Variants in MAP3K9 observed in about 807,000 individuals in gnomAD.
The protein encoded by MAP3K9 is mitogen-activated protein kinase kinase kinase 9, also known as mixed lineage kinase 1 (tyr and ser/thr specificity).
Under a neutral mutation model 95.8 loss-of-function variants are expected in MAP3K9, and 46 were observed. The observed-to-expected ratio is 0.48, with a 90% CI of 0.38 to 0.61. The LOEUF (loss-of-function observed/expected upper bound fraction) is 0.61, where lower values mean the gene tolerates loss of function less well. Ranked by LOEUF, MAP3K9 falls within the 20% of genes least tolerant of loss-of-function variation. The probability of loss-of-function intolerance (pLI) is 0.00; values close to 1 mark genes in which losing one functional copy is unlikely to be tolerated. For synonymous variants in MAP3K9, 533 were observed against 593.8 expected, an observed-to-expected ratio of 0.90 and a Z score of 1.49; for missense variants, 1,296 against 1,474.3, an observed-to-expected ratio of 0.88 and a Z score of 1.98.
chr14:70,748,272 C>G (rs965446427), intron 5 of MAP3K9, among the ~76,000 whole-genome samples: 7 of 152,120 alleles, frequency 4.6e-5, no homozygotes, highest in African/African-American at 1.7e-4. Flanking sequence ...ACTGAGGGAA[C>G]AGAAAGGGGC....
At chr14:70,760,879 G>A in intron 3 of MAP3K9, 123 bp downstream of exon 3, 2 of 943,708 alleles carry the variant, frequency 2.1e-6, no homozygotes, top group Non-Finnish European at 3.2e-6. Flanking sequence ...ACTCTTGGGG[G>A]AGGTCACTTA....
At chr14:70,792,197 T>C (rs1434757906) in intron 2 of MAP3K9, among the ~76,000 whole-genome samples, 1 of 152,262 alleles carries the variant, frequency 6.6e-6, no homozygotes, top group East Asian at 1.9e-4. Context: ...AGGTGGCTGC[T>C]AGCTAACCTC....
At chr14:70,808,555 G>C (rs1177219202) in intron 1 of MAP3K9, among the ~76,000 whole-genome samples, 1 of 152,108 alleles carries the variant, frequency 6.6e-6, no homozygotes, top group East Asian at 1.9e-4. Flanking sequence ...AGAAGCCCAA[G>C]CGTCTGAAGT....
At position 70,749,964 on chromosome 14, in the gene MAP3K9, C is replaced by A. The variant is rs138594750; in HGVS notation, c.1119G>T (p.Thr373=). 5 of 1,614,128 alleles carry A rather than the reference C, an allele frequency of 3.1e-6. No homozygotes were observed. In the South Asian group the frequency reaches 4.4e-5, roughly 14 times the overall value. ...TGAGTTTGGCAAAAGGTTCTGGGCA[C>A]GTAGAAGGAATAGGAAGGGCGAGTT... ...MNKLALPIPS[T]CPEPFAKLME... is the part of the protein sequence containing the mutation. Residue 373 remains threonine, a synonymous_variant, in exon 4 of 12, where the codon ACG becomes ACT. Coordinates refer to ENST00000554752, the MANE Select transcript of MAP3K9 (RefSeq NM_001284230.2).
At chr14:70,795,708 T>C (rs1183891752) in intron 2 of MAP3K9, among the ~76,000 whole-genome samples, 1 of 152,202 alleles carries the variant, frequency 6.6e-6, no homozygotes, top group Non-Finnish European at 1.5e-5. Context: ...TTTCCAAAGC[T>C]TTTTCATATT....
intron 2 of MAP3K9, chr14:70,783,465 C>CT: frequency 1.1e-6 from 1 of 918,122 alleles, no homozygotes; most frequent in South Asian, 5.0e-5. Context: ...AGGATTCACT[C>CT]TTTGTCCCCT....
At chr14:70,751,747 G>A (rs1296794318) in intron 3 of MAP3K9, among the ~76,000 whole-genome samples, 3 of 151,976 alleles carry the variant, frequency 2.0e-5, no homozygotes, top group African/African-American at 7.3e-5. Flanking sequence ...AATAAACCCA[G>A]TAGCTATTTA....
intron 3 of MAP3K9, among the ~76,000 whole-genome samples, chr14:70,753,662 T>TA (rs2054260438): frequency 6.6e-6 from 1 of 152,100 alleles, no homozygotes; most frequent in Non-Finnish European, 1.5e-5. Flanking sequence ...TGCCTCTGAG[T>TA]ACCTCCCCGC....
At chr14:70,747,801 A>T (rs1348003474) in intron 5 of MAP3K9, among the ~76,000 whole-genome samples, 1 of 152,222 alleles carries the variant, frequency 6.6e-6, no homozygotes. Flanking sequence ...TCACATGGCT[A>T]TTAACTTCCC....
At chr14:70,747,821 T>C (rs2139747939) in intron 5 of MAP3K9, among the ~76,000 whole-genome samples, 1 of 152,220 alleles carries the variant, frequency 6.6e-6, no homozygotes, top group Non-Finnish European at 1.5e-5. Flanking sequence ...CAAATTCCCA[T>C]AGTGCAGAGT....
Position 70,735,093 on chromosome 14 carries a change from TAGTGCAC to T in MAP3K9, c.1914-602_1914-596del, listed in dbSNP as rs1191524008. Among the ~76,000 whole-genome samples the T allele has an allele frequency of 2.0e-5, 3 of 152,180 alleles. No homozygotes were observed. In the East Asian group the frequency reaches 5.8e-4, roughly 29 times the overall value. The stretch of plus-strand genomic sequence containing the variant: ...GCACTGTGGGACAGACCTACGTGGG[TAGTGCAC>T]AGTGCTGAAGCAGAGCCCTTGGTCT... On this transcript the variant is annotated intron_variant, in intron 9 of 11. Transcript: ENST00000554752.
In MAP3K9 at chr14:70,725,942, C is replaced by T. The variant is rs971646693; in HGVS notation, c.*4438G>A. On this transcript the variant is annotated 3_prime_UTR_variant, in exon 12 of 12. Transcript: ENST00000554752. ...ACCATACATTTGAAAGTTAGAAGGG[C>T]TTCAGGAGGGAAAGTAGATAGCATC... 6.6e-6 allele frequency: 1 copy of T among 152,192 alleles called. No homozygotes were observed. The highest frequency in any genetic ancestry group is 2.4e-5 in the African/African-American group (1 of 41,438). The allele number at this position is 152,192 out of a possible 1,614,324, so 9.4% of individuals were successfully genotyped here.
intron 9 of MAP3K9, 131 bp downstream of exon 9, chr14:70,735,830 A>T: frequency 1.3e-6 from 1 of 741,750 alleles, no homozygotes. Context: ...TAAAACAAAA[A>T]CAAAAACAAA....
chr14:70,738,855 G>C (rs2054023857), intron 7 of MAP3K9, among the ~76,000 whole-genome samples: 1 of 152,144 alleles, frequency 6.6e-6, no homozygotes, highest in Non-Finnish European at 1.5e-5. Context: ...AGTCTGGAGT[G>C]GGAGAAGGGG....
At chr14:70,772,159 C>G (rs969941921) in intron 2 of MAP3K9, among the ~76,000 whole-genome samples, 3 of 152,186 alleles carry the variant, frequency 2.0e-5, no homozygotes, top group African/African-American at 7.2e-5. Context: ...GCAACGGTGG[C>G]CCCAGCAGCT....
In MAP3K9 at chr14:70,727,045, T is replaced by C. The variant is rs1401223796; in HGVS notation, c.*3335A>G. 6.6e-6 allele frequency: 1 copy of C among 152,214 alleles called. No homozygotes were observed. The highest frequency in any genetic ancestry group is 6.5e-5 in the Admixed American group (1 of 15,280). The allele number at this position is 152,214 out of a possible 1,614,324, so 9.4% of individuals were successfully genotyped here. On this transcript the variant is annotated 3_prime_UTR_variant, in exon 12 of 12. Transcript: ENST00000554752. ...CAATTAGTCCAAGCCACTTTTTCAT[T>C]TCTCTTCACTTGAATTTTCATCTTT...
intron 2 of MAP3K9, among the ~76,000 whole-genome samples, chr14:70,786,376 G>A (rs1033864581): frequency 6.6e-6 from 1 of 152,116 alleles, no homozygotes. Flanking sequence ...CTATCTCTAA[G>A]CACAGGGAGC....
intron 3 of MAP3K9, among the ~76,000 whole-genome samples, chr14:70,758,491 G>A (rs1300827275): frequency 6.6e-6 from 1 of 152,178 alleles, no homozygotes; most frequent in Non-Finnish European, 1.5e-5. Context: ...AAGTTTGGTG[G>A]TTCCTCAAAA....
chr14:70,766,757 C>A (rs899024913), intron 2 of MAP3K9, among the ~76,000 whole-genome samples: 8 of 152,290 alleles, frequency 5.3e-5, no homozygotes, highest in Middle Eastern at 3.4e-3. Context: ...GAACCACATT[C>A]TTCACCTTTG....
Sources: gnomAD v4.1 joint callset for allele counts (sites outside exome capture counted in the v4.1 genomes callset) on GRCh38, gnomAD v4.1.1 for gene constraint, MANE v1.5 for transcripts, NCBI Gene and HGNC (gene_info 2026-07-23, HGNC 2026-07-21) for gene names.